The following RSPO4 variants were observed in gnomAD, a reference collection of about 807,000 sequenced individuals.
RSPO4 encodes the protein R-spondin 4.
Under a neutral mutation model 24.8 loss-of-function variants are expected in RSPO4, and 23 were observed. The observed-to-expected ratio is 0.93, with a 90% CI of 0.67 to 1.31. The LOEUF (loss-of-function observed/expected upper bound fraction) is 1.31. Among genes scored for constraint, RSPO4 ranks in the 40% most tolerant of loss-of-function variants. The pLI is 0.00. For missense variants in RSPO4, 333 were observed against 316.5 expected, an observed-to-expected ratio of 1.05 and a Z score of -0.39; for synonymous variants, 141 against 127.4, an observed-to-expected ratio of 1.11 and a Z score of -0.72.
At position 968,117 on chromosome 20, in the gene RSPO4, T is replaced by C. The variant is rs1984288951; in HGVS notation, c.101A>G (p.Asn34Ser). The change falls in exon 2 of 5, where the codon AAC (asparagine) becomes AGC (serine). Residue 34 changes from asparagine to serine, a missense_variant. Coordinates refer to ENST00000217260, the MANE Select transcript of RSPO4 (RefSeq NM_001029871.4). Reference protein sequence around the residue: ...KKQVGTGLGGNCTGCIICSEE... With the variant: ...KKQVGTGLGGSCTGCIICSEE... ...TGAGCAGATGATACAGCCTGTGCAG[T>C]TGCCCCCCAGGCCAGTGCCCACTGC... is the stretch of plus-strand genomic sequence containing the variant. The C allele has an allele frequency of 1.9e-6, 3 of 1,613,922 alleles. No homozygotes were observed. Among genetic ancestry groups the C allele is most frequent in the Non-Finnish European group, 2.5e-6 (3 of 1,180,016 alleles).
At chr20:990,854 G>A (rs2122262237) in intron 1 of RSPO4, among the ~76,000 whole-genome samples, 1 of 152,362 alleles carries the variant, frequency 6.6e-6, no homozygotes, top group Non-Finnish European at 1.5e-5. Context: ...GTAGGGGAAA[G>A]GGGACCCCAA....
At chr20:964,828 A>T (rs987855596) in intron 3 of RSPO4, among the ~76,000 whole-genome samples, 27 of 87,230 alleles carry the variant, frequency 3.1e-4, no homozygotes, top group Non-Finnish European at 5.8e-4. Flanking sequence ...ACACACACAC[A>T]CACATATATA....
rs950620900 is a variant in RSPO4, at chr20:960,486, C to G, written c.596-20G>C. The G allele has an allele frequency of 6.6e-7, 1 of 1,524,014 alleles. No homozygotes were observed. Among genetic ancestry groups the G allele is most frequent in the East Asian group, 2.4e-5 (1 of 40,826 alleles). 94.4% of individuals were successfully genotyped at this position (1,524,014 alleles called of 1,614,324 possible). On this transcript the variant is annotated intron_variant, in intron 4 of 4. Transcript: ENST00000217260. ...TCCTCTCTGCAATGAGAGGACAGAGCCCGGTGACCAAGGCTGCAGGGCCAG... is the reference window on the plus strand; with the variant it reads ...TCCTCTCTGCAATGAGAGGACAGAGGCCGGTGACCAAGGCTGCAGGGCCAG...
intron 1 of RSPO4, among the ~76,000 whole-genome samples, chr20:971,374 G>A (rs1407435496): frequency 1.3e-5 from 2 of 152,250 alleles, no homozygotes; most frequent in African/African-American, 4.8e-5. Flanking sequence ...CACTGACCTA[G>A]AGAAACCCTT....
rs1229011298 is a variant in RSPO4, at chr20:959,765, G to A, written c.*592C>T. 1.3e-5 allele frequency: 2 copies of A among 152,628 alleles called. No individual in the cohort carries two copies. Among genetic ancestry groups the A allele is most frequent in the African/African-American group, 2.4e-5 (1 of 41,452 alleles). The allele number at this position is 152,628 out of a possible 1,614,324, so 9.5% of individuals were successfully genotyped here. ...GGGGTGGCTGGTGGCTGAAGGCTGT[G>A]GAAATGGCCTCTGGGGACTGTCCAG... is the stretch of plus-strand genomic sequence containing the variant. On this transcript the variant is annotated 3_prime_UTR_variant, in exon 5 of 5. Coordinates refer to ENST00000217260, the MANE Select transcript of RSPO4 (RefSeq NM_001029871.4).
chr20:985,230 CATAT>C (rs1243508639), intron 1 of RSPO4, among the ~76,000 whole-genome samples: 5 of 143,234 alleles, frequency 3.5e-5, no homozygotes, highest in Non-Finnish European at 6.0e-5. Flanking sequence ...TCCACCCACC[CATAT>C]ATCCATCCAC....
intron 1 of RSPO4, among the ~76,000 whole-genome samples, chr20:999,869 G>T (rs1243013213): frequency 6.6e-6 from 1 of 151,716 alleles, no homozygotes; most frequent in Non-Finnish European, 1.5e-5. Context: ...GCTCCTTTTT[G>T]TTGTTGTTGT....
At chr20:993,955 T>C (rs6118537) in intron 1 of RSPO4, among the ~76,000 whole-genome samples, 2,779 of 152,256 alleles carry the variant, frequency 0.018, 99 homozygotes, top group African/African-American at 0.063. Context: ...TGAGTGGCCT[T>C]GGGCAAAGTT....
At chr20:963,472 G>A (rs13045638) in intron 4 of RSPO4, among the ~76,000 whole-genome samples, 5 of 152,146 alleles carry the variant, frequency 3.3e-5, no homozygotes, top group African/African-American at 9.6e-5. Flanking sequence ...CCACGGCCGC[G>A]GTCCTCACTG....
At chr20:967,847 G>T (rs1984263943) in intron 2 of RSPO4, 103 bp downstream of exon 2, 2 of 1,179,480 alleles carry the variant, frequency 1.7e-6, no homozygotes, top group South Asian at 1.2e-5. Context: ...GCTTAGACAT[G>T]CACCTACTTC....
chr20:965,280 G>A (rs1322015257), intron 3 of RSPO4, among the ~76,000 whole-genome samples: 1 of 152,134 alleles, frequency 6.6e-6, no homozygotes. Context: ...GGGGAGCCTA[G>A]CCAGGCTCAG....
intron 1 of RSPO4, among the ~76,000 whole-genome samples, chr20:999,579 C>CT (rs1356483098): frequency 6.6e-6 from 1 of 152,140 alleles, no homozygotes; most frequent in Non-Finnish European, 1.5e-5. Flanking sequence ...CCAAGGCTAT[C>CT]TCCATTGTAC....
chr20:984,154 G>A (rs1297273359), intron 1 of RSPO4, among the ~76,000 whole-genome samples: 1 of 151,996 alleles, frequency 6.6e-6, no homozygotes, highest in East Asian at 1.9e-4. Flanking sequence ...TGACCAAGAC[G>A]GTGAAACCCC....
At chr20:980,766 G>C (rs1390039597) in intron 1 of RSPO4, among the ~76,000 whole-genome samples, 1 of 152,142 alleles carries the variant, frequency 6.6e-6, no homozygotes, top group Admixed American at 6.5e-5. Flanking sequence ...ATCCCCATCA[G>C]AATCACCTGA....
At chr20:964,351 AG>A (rs1235977027) in intron 3 of RSPO4, among the ~76,000 whole-genome samples, 2 of 152,210 alleles carry the variant, frequency 1.3e-5, no homozygotes, top group African/African-American at 4.8e-5. Flanking sequence ...CTAGCTTTAA[AG>A]GAAAGGCTTC....
chr20:959,871 T>C lies in RSPO4; in HGVS notation c.*486A>G, dbSNP rs519478. On this transcript the variant is annotated 3_prime_UTR_variant, in exon 5 of 5. Transcript: ENST00000217260. ...GCCTTCAGGATTCACCTGTGCTGTG[T>C]CCCAGCTTTGCCCTCTGGAAACCCT... 9,424 of 171,372 alleles carry C rather than the reference T, an allele frequency of 0.055. 296 individuals are homozygous for C. The highest frequency in any genetic ancestry group is 0.081 in the Middle Eastern group (27 of 332). 10.6% of individuals were successfully genotyped at this position (171,372 alleles called of 1,614,324 possible).
rs147392943 is a variant in RSPO4, at chr20:960,929, G to A, written c.596-463C>T. 3.7e-4 allele frequency among the ~76,000 whole-genome samples: 57 copies of A among 152,268 alleles called. No homozygotes were observed. In the East Asian group the frequency reaches 0.01, roughly 27 times the overall value. On this transcript the variant is annotated intron_variant, in intron 4 of 4. Coordinates refer to ENST00000217260, the MANE Select transcript of RSPO4 (RefSeq NM_001029871.4). ...AACAATACTTCAGCATTTAGCAAGC[G>A]CTCACTGTATGCAGGCCACAGCCCC... is the stretch of plus-strand genomic sequence containing the variant.
intron 1 of RSPO4, among the ~76,000 whole-genome samples, chr20:983,811 C>T (rs753074434): frequency 6.6e-6 from 1 of 152,144 alleles, no homozygotes; most frequent in Non-Finnish European, 1.5e-5. Context: ...GGCCAGACTG[C>T]CTCAACAATC....
rs771000704 is a variant in RSPO4 at position 970,197 on chromosome 20, G to A, written c.80-2059C>T. Among the ~76,000 whole-genome samples the A allele has an allele frequency of 1.3e-5, 2 of 152,126 alleles. No individual in the cohort carries two copies. Among genetic ancestry groups the A allele is most frequent in the South Asian group, 4.1e-4 (2 of 4,828 alleles). On this transcript the variant is annotated intron_variant, in intron 1 of 4. Transcript: ENST00000217260. The surrounding 1 kb of genome is among the most constrained non-coding windows in gnomAD (Gnocchi z 4.1). The stretch of plus-strand genomic sequence containing the variant: ...CAAGAGTGAGGGTCACACAGAAATG[G>A]GGTTCATGGTGGAGGCAGGGCAGGC...
Sources: allele counts gnomAD v4.1 joint callset (sites outside exome capture counted in the v4.1 genomes callset), GRCh38; gene constraint gnomAD v4.1.1; non-coding constraint Gnocchi (gnomAD v3.1); transcripts MANE v1.5; gene names NCBI Gene and HGNC (gene_info 2026-07-23, HGNC 2026-07-21).